SREBF2: variants seen among roughly 807,000 people sequenced by gnomAD.
SREBF2 encodes the protein sterol regulatory element-binding protein 2.
SREBF2 carries 55 observed loss-of-function variants against 113.1 expected under a neutral mutation model. The observed-to-expected ratio is 0.49, with a 90% CI of 0.39 to 0.61. The LOEUF (loss-of-function observed/expected upper bound fraction) is 0.61, where lower values mean the gene tolerates loss of function less well. SREBF2 is among the 20% of genes least tolerant of loss of function. The probability of loss-of-function intolerance (pLI) is 0.00; values close to 1 mark genes in which losing one functional copy is unlikely to be tolerated. For missense variants in SREBF2, 1,349 were observed against 1,487.4 expected, an observed-to-expected ratio of 0.91 and a Z score of 1.53; for synonymous variants, 593 against 605.7, an observed-to-expected ratio of 0.98 and a Z score of 0.31.
rs984739850 is a variant in SREBF2, at chr22:41,833,409, T to G, written c.88+51T>G. ...GGGGGCCGCGCGGGGAGGAAGGGGT[T>G]ACGGCGGCGCGCCCGGGTGCGCGTG... On this transcript the variant is annotated intron_variant, in intron 1 of 18. Coordinates refer to ENST00000361204, the MANE Select transcript of SREBF2 (RefSeq NM_004599.4). This position sits in a 1 kb window ranked among gnomAD's most constrained non-coding sequence, Gnocchi z 4.1. 1.3e-6 allele frequency: 2 copies of G among 1,482,184 alleles called. No homozygotes were observed. The highest frequency in any genetic ancestry group is 1.8e-6 in the Non-Finnish European group (2 of 1,101,388). The allele number at this position is 1,482,184 out of a possible 1,614,324, so 91.8% of individuals were successfully genotyped here.
In SREBF2 at chr22:41,904,951, G is replaced by C. The variant is rs770353021; in HGVS notation, c.3182G>C (p.Arg1061Pro). ...CTGCTGGAACACAGCCTGCGGCGGCGCACCACGCAGAGCACCAAGCACGGT... is the reference window on the plus strand; with the variant it reads ...CTGCTGGAACACAGCCTGCGGCGGCCCACCACGCAGAGCACCAAGCACGGT... Reference protein sequence around the residue: ...HQLLEHSLRRRTTQSTKHGEV... With the variant: ...HQLLEHSLRRPTTQSTKHGEV... Residue 1061 changes from arginine (R) to proline (P), a missense_variant, in exon 18 of 19, where the codon CGC becomes CCC. Around this residue, in one of 2 missense-constraint regions of SREBF2, gnomAD observed 650 missense variants for 644.1 expected, o/e 1.01. Coordinates refer to ENST00000361204, the MANE Select transcript of SREBF2 (RefSeq NM_004599.4). 4 of 1,598,938 alleles carry C rather than the reference G, an allele frequency of 2.5e-6. No homozygotes were observed. The highest frequency in any genetic ancestry group is 1.3e-5 in the African/African-American group (1 of 74,798).
rs755036026 is a variant in SREBF2 at position 41,877,415 on chromosome 22, G to A, written c.1573G>A (p.Glu525Lys). The change falls in exon 8 of 19, where the codon GAG becomes AAG. Residue 525 changes from glutamate (E) to lysine (K), a missense_variant. Coordinates refer to ENST00000361204, the MANE Select transcript of SREBF2 (RefSeq NM_004599.4). Reference protein sequence around the residue: ...SGSGRSVLSFESGSGGWFDWM... With the variant: ...SGSGRSVLSFKSGSGGWFDWM... ...CTCTGGCCGCAGTGTCCTGTCATTCGAGTCAGGTAGGTGGAGGCCCCTTGC... is the reference window on the plus strand; with the variant it reads ...CTCTGGCCGCAGTGTCCTGTCATTCAAGTCAGGTAGGTGGAGGCCCCTTGC... The A allele has an allele frequency of 3.0e-5, 48 of 1,614,030 alleles. No individual in the cohort carries two copies. Among genetic ancestry groups the A allele is most frequent in the South Asian group, 8.8e-5 (8 of 91,080 alleles).
intron 1 of SREBF2, among the ~76,000 whole-genome samples, chr22:41,851,503 G>GT (rs113940759): frequency 0.06 from 9,065 of 151,536 alleles, 874 homozygotes; most frequent in African/African-American, 0.2. Flanking sequence ...TTGTTTGTTT[G>GT]TTTTTTTGAG....
At chr22:41,872,881 A>T (rs557611983) in intron 4 of SREBF2, among the ~76,000 whole-genome samples, 1 of 149,354 alleles carries the variant, frequency 6.7e-6, no homozygotes, top group Non-Finnish European at 1.5e-5. Context: ...CAACAGAGTG[A>T]GACTTTGTCT....
intron 3 of SREBF2, among the ~76,000 whole-genome samples, chr22:41,869,725 T>A (rs1448389695): frequency 6.6e-6 from 1 of 152,058 alleles, no homozygotes; most frequent in Non-Finnish European, 1.5e-5. Flanking sequence ...CCTCAAACAG[T>A]GCATCGATCT....
chr22:41,850,875 G>C (rs1310136940), intron 1 of SREBF2, among the ~76,000 whole-genome samples: 1 of 152,064 alleles, frequency 6.6e-6, no homozygotes, highest in African/African-American at 2.4e-5. Context: ...CGAGTAGCTC[G>C]GATTACAGGT....
Position 41,833,356 on chromosome 22 carries a change from A to C in SREBF2, c.86A>C (p.Asp29Ala). Residue 29 changes from aspartate to alanine, a missense_variant and splice_region_variant, in exon 1 of 19, where the codon GAC (aspartate) becomes GCC (alanine). Transcript: ENST00000361204. This position sits in a 1 kb window ranked among gnomAD's most constrained non-coding sequence, Gnocchi z 4.1. ...GACGAGCTGACCCTGGGAGACATCG[A>C]CGGTGAGTGGTGGGTGGGTGGGAGT... Reference protein sequence around the residue: ...LGDELTLGDIDEMLQFVSNQV... With the variant: ...LGDELTLGDIAEMLQFVSNQV... 2.0e-6 allele frequency: 1 copy of C among 495,310 alleles called. No homozygotes were observed. Among genetic ancestry groups the C allele is most frequent in the Non-Finnish European group, 3.7e-6 (1 of 270,372 alleles). 30.7% of individuals were successfully genotyped at this position (495,310 alleles called of 1,614,324 possible).
chr22:41,900,100 C>G (rs1204208403), intron 15 of SREBF2: 1 of 1,436,852 alleles, frequency 7.0e-7, no homozygotes, highest in Non-Finnish European at 9.1e-7. Context: ...GCCTGTGTCT[C>G]TGACTTCCAG....
intron 2 of SREBF2, 66 bp downstream of exon 2, chr22:41,867,346 C>G (rs1365491225): frequency 6.5e-7 from 1 of 1,543,948 alleles, no homozygotes; most frequent in East Asian, 2.2e-5. Flanking sequence ...TTTGCAGACA[C>G]TGTAAATATT....
intron 1 of SREBF2, among the ~76,000 whole-genome samples, chr22:41,837,338 A>G (rs958189689): frequency 4.5e-4 from 68 of 151,886 alleles, no homozygotes; most frequent in African/African-American, 1.1e-3. Flanking sequence ...TGGGCGGATC[A>G]CCTGAGGTCA....
Position 41,906,390 on chromosome 22 carries a change from C to T in SREBF2, c.*730C>T. 5.5e-6 allele frequency: 1 copy of T among 181,116 alleles called. No homozygotes were observed. The highest frequency in any genetic ancestry group is 1.2e-5 in the Non-Finnish European group (1 of 85,366). The allele number at this position is 181,116 out of a possible 1,614,324, so 11.2% of individuals were successfully genotyped here. A position where few individuals can be genotyped will look rare whatever the true frequency, so the allele number is the denominator to read the frequency against. ...TATTTAATTGTCCTGTTCCTTCCCA[C>T]TCCCCGCCTCCTAGGATGTTAGCCC... On this transcript the variant is annotated 3_prime_UTR_variant, in exon 19 of 19. Transcript: ENST00000361204.
chr22:41,864,100 AACT>A (rs2077048674), intron 1 of SREBF2, among the ~76,000 whole-genome samples: 1 of 149,750 alleles, frequency 6.7e-6, no homozygotes, highest in Non-Finnish European at 1.5e-5. Flanking sequence ...GCTGGTCTCG[AACT>A]CCTGACTTCA....
rs1288090183 is a variant in SREBF2, at chr22:41,833,638, G to A, written c.88+280G>A. The A allele has an allele frequency of 2.8e-6, 1 of 350,956 alleles. No homozygotes were observed. The highest frequency in any genetic ancestry group is 5.1e-6 in the Non-Finnish European group (1 of 196,294). The allele number at this position is 350,956 out of a possible 1,614,324, so 21.7% of individuals were successfully genotyped here. On this transcript the variant is annotated intron_variant, in intron 1 of 18. Transcript: ENST00000361204. This position sits in a 1 kb window ranked among gnomAD's most constrained non-coding sequence, Gnocchi z 4.1. ...GAGCGCGGGGCTAGGGACGTCGCGG[G>A]GGCGTCTCAGGGAGCGGCCTAAGGA...
At position 41,841,396 on chromosome 22, in the gene SREBF2, T is replaced by G. The variant is rs139339799; in HGVS notation, c.88+8038T>G. 1.1e-3 allele frequency among the ~76,000 whole-genome samples: 164 copies of G among 152,366 alleles called. 1 individual carries two copies. Among genetic ancestry groups the G allele is most frequent in the African/African-American group, 3.8e-3 (160 of 41,596 alleles). ...TTATTTTCCACCCATTTTTGTCTCC[T>G]GGTCTCATCCAGTTACATTTCCTGG... On this transcript the variant is annotated intron_variant, in intron 1 of 18. Transcript: ENST00000361204.
At chr22:41,898,952 GC>G in intron 15 of SREBF2, 171 bp downstream of exon 15, 1 of 937,514 alleles carries the variant, frequency 1.1e-6, no homozygotes, top group Non-Finnish European at 1.6e-6. Context: ...CTCAAGTTGG[GC>G]CAGCAGGTCC....
intron 7 of SREBF2, among the ~76,000 whole-genome samples, chr22:41,876,298 G>A (rs1219064060): frequency 2.0e-5 from 3 of 152,054 alleles, no homozygotes; most frequent in Admixed American, 6.5e-5. Context: ...TTTTGACTTC[G>A]GCAGTTTCTG....
chr22:41,855,742 T>C (rs2148360176), intron 1 of SREBF2, among the ~76,000 whole-genome samples: 1 of 151,386 alleles, frequency 6.6e-6, no homozygotes, highest in African/African-American at 2.4e-5. Flanking sequence ...GCTTAGACAG[T>C]GCTGTAGTAT....
At chr22:41,840,389 C>T (rs931351633) in intron 1 of SREBF2, among the ~76,000 whole-genome samples, 1 of 152,184 alleles carries the variant, frequency 6.6e-6, no homozygotes, top group Non-Finnish European at 1.5e-5. Context: ...TCTCCCTTCA[C>T]TTATCTTGGG....
At chr22:41,837,653 G>A (rs1426144379) in intron 1 of SREBF2, among the ~76,000 whole-genome samples, 3 of 151,394 alleles carry the variant, frequency 2.0e-5, no homozygotes, top group Non-Finnish European at 2.9e-5. Context: ...GAGGTTGGGA[G>A]TTTGAGACCA....
Sources: allele counts gnomAD v4.1 joint callset (sites outside exome capture counted in the v4.1 genomes callset), GRCh38; gene constraint gnomAD v4.1.1; regional missense constraint gnomAD v4.1.1; non-coding constraint Gnocchi (gnomAD v3.1); transcripts MANE v1.5; gene names NCBI Gene and HGNC (gene_info 2026-07-23, HGNC 2026-07-21).